The following ZNF277 variants were observed in gnomAD, a reference collection of about 807,000 sequenced individuals.
ZNF277 encodes the protein zinc finger protein 277.
In ZNF277, 55 loss-of-function variants were observed where a neutral mutation model predicts 60.7. That is an observed-to-expected ratio of 0.91 (90% CI 0.73 to 1.13). ZNF277 has a LOEUF of 1.13. ZNF277 is among the 50% of genes most tolerant of loss of function. The pLI is 0.00. For missense variants in ZNF277, 510 were observed against 523.0 expected (o/e 0.98, Z 0.24); for synonymous variants, 178 against 179.3 (o/e 0.99, Z 0.06).
At chr7:112,267,778 A>G (rs1351077679) in intron 1 of ZNF277, among the ~76,000 whole-genome samples, 2 of 151,970 alleles carry the variant, frequency 1.3e-5, no homozygotes, top group African/African-American at 2.4e-5. Context: ...TTTCCCTAGT[A>G]TTGATATTTC....
chr7:112,234,867 C>T (rs2116983573), intron 1 of ZNF277, among the ~76,000 whole-genome samples: 1 of 151,724 alleles, frequency 6.6e-6, no homozygotes, highest in African/African-American at 2.4e-5. Flanking sequence ...TATATAAGAG[C>T]CATTTGTATT....
At chr7:112,219,128 A>G (rs917075387) in intron 1 of ZNF277, among the ~76,000 whole-genome samples, 1 of 152,162 alleles carries the variant, frequency 6.6e-6, no homozygotes, top group Non-Finnish European at 1.5e-5. Flanking sequence ...TCCAATGCTT[A>G]TCTCTTGTCT....
chr7:112,208,715 T>C (rs1375915754), intron 1 of ZNF277, among the ~76,000 whole-genome samples: 2 of 140,164 alleles, frequency 1.4e-5, no homozygotes, highest in African/African-American at 5.4e-5. Flanking sequence ...GAGTCTCGCT[T>C]TGTCAACCAG....
At chr7:112,319,660 T>TATATATAATATATATAA (rs1792930310) in intron 5 of ZNF277, among the ~76,000 whole-genome samples, 1 of 147,334 alleles carries the variant, frequency 6.8e-6, no homozygotes, top group Non-Finnish European at 1.5e-5. Context: ...AATTATATAA[T>TATATATAATATATATAA]ATATATAATA....
At position 112,241,761 on chromosome 7, in the gene ZNF277, A is replaced by T. The variant is rs79547130; in HGVS notation, c.91+34954A>T. Among the ~76,000 whole-genome samples the T allele has an allele frequency of 2.3e-3, 353 of 152,252 alleles. 2 individuals are homozygous for T. The highest frequency in any genetic ancestry group is 7.7e-3 in the African/African-American group (321 of 41,558). ...TGAAATAAGCTAGCACAGAAAGACA[A>T]ACCACATGTTCTCACTCATTTGTGG... is the stretch of plus-strand genomic sequence containing the variant. On this transcript the variant is annotated intron_variant, in intron 1 of 11. Coordinates refer to ENST00000361822, the MANE Select transcript of ZNF277 (RefSeq NM_021994.3).
chr7:112,312,672 A>G (rs2117103024), intron 4 of ZNF277, among the ~76,000 whole-genome samples: 1 of 152,234 alleles, frequency 6.6e-6, no homozygotes, highest in African/African-American at 2.4e-5. Flanking sequence ...TGAGTATAGG[A>G]ATGTTAATTG....
intron 1 of ZNF277, among the ~76,000 whole-genome samples, chr7:112,282,969 G>C (rs1411770186): frequency 6.6e-6 from 1 of 152,162 alleles, no homozygotes; most frequent in East Asian, 1.9e-4. Context: ...AGTTAACAAT[G>C]CCTGGCACAA....
Position 112,296,551 on chromosome 7 carries a change from C to G in ZNF277, c.465+240C>G, listed in dbSNP as rs562852447. On this transcript the variant is annotated intron_variant, in intron 4 of 11. Transcript: ENST00000361822. ...GGCTTTGTTTTGCTTCCTGGATTAT[C>G]TCTAAAATAACAACAGAACTTACAC... Among the ~76,000 whole-genome samples the G allele has an allele frequency of 6.6e-5, 10 of 151,970 alleles. No homozygotes were observed. In the East Asian group the frequency reaches 1.7e-3, roughly 26 times the overall value.
At chr7:112,238,550 G>A (rs1790862880) in intron 1 of ZNF277, among the ~76,000 whole-genome samples, 1 of 152,144 alleles carries the variant, frequency 6.6e-6, no homozygotes, top group Non-Finnish European at 1.5e-5. Flanking sequence ...TGAGGTACAT[G>A]TGACCCACTG....
intron 5 of ZNF277, among the ~76,000 whole-genome samples, chr7:112,320,168 A>G (rs1406923951): frequency 2.0e-5 from 3 of 152,136 alleles, no homozygotes; most frequent in African/African-American, 7.2e-5. Flanking sequence ...GTATTTGAAC[A>G]TATTAAATAT....
chr7:112,230,594 A>G (rs1822297912), intron 1 of ZNF277, among the ~76,000 whole-genome samples: 1 of 152,208 alleles, frequency 6.6e-6, no homozygotes, highest in Non-Finnish European at 1.5e-5. Context: ...GTCACAGATC[A>G]AGTAATTAAA....
chr7:112,253,776 G>A (rs1791246216), intron 1 of ZNF277, among the ~76,000 whole-genome samples: 1 of 152,136 alleles, frequency 6.6e-6, no homozygotes, highest in Admixed American at 6.5e-5. Context: ...TCTAAAGATG[G>A]AGAGATCTAT....
chr7:112,314,117 A>G (rs1792789859), intron 4 of ZNF277, among the ~76,000 whole-genome samples: 1 of 152,118 alleles, frequency 6.6e-6, no homozygotes, highest in Non-Finnish European at 1.5e-5. Flanking sequence ...AGTCTGGGAA[A>G]GTCACTTTAA....
rs113604866 is a variant in ZNF277 at position 112,217,556 on chromosome 7, C to G, written c.91+10749C>G. Among the ~76,000 whole-genome samples the G allele has an allele frequency of 7.8e-4, 119 of 152,312 alleles. 2 individuals are homozygous for G. The highest frequency in any genetic ancestry group is 2.8e-3 in the African/African-American group (116 of 41,562). ...ACCGACTCCATCTTGCTTCTAACCT[C>G]CAAGCTGCCGGTGTTCATTCCTGGA... On this transcript the variant is annotated intron_variant, in intron 1 of 11. Coordinates refer to ENST00000361822, the MANE Select transcript of ZNF277 (RefSeq NM_021994.3).
chr7:112,343,087 T>G lies in ZNF277; in HGVS notation c.*358T>G, dbSNP rs1331061135. On this transcript the variant is annotated 3_prime_UTR_variant, in exon 12 of 12. Coordinates refer to ENST00000361822, the MANE Select transcript of ZNF277 (RefSeq NM_021994.3). ...TCAAATTATTTATAAACCTGATTTT[T>G]CAATCAGTAGTTTCAGTCTCCTCCC... 6 of 157,296 alleles carry G rather than the reference T, an allele frequency of 3.8e-5. No homozygotes were observed. Among genetic ancestry groups the G allele is most frequent in the Non-Finnish European group, 7.0e-5 (5 of 71,422 alleles). 9.7% of individuals were successfully genotyped at this position (157,296 alleles called of 1,614,324 possible).
In ZNF277 at chr7:112,340,952, G is replaced by A. The variant is rs11539696; in HGVS notation, c.1090G>A (p.Val364Met). The stretch of plus-strand genomic sequence containing the variant: ...CCAATGCAGATGTTATGGCTGCCAT[G>A]TGAAGTTCAAATCCAAAGCAGACTT... The part of the protein sequence containing the change: ...VHQCRCYGCH[V>M]KFKSKADLRT... Residue 364 changes from valine to methionine, a missense_variant, in exon 11 of 12, where the codon GTG (valine) becomes ATG (methionine). Val to Met is a conservative substitution (Grantham distance 21). Coordinates refer to ENST00000361822, the MANE Select transcript of ZNF277 (RefSeq NM_021994.3). The A allele has an allele frequency of 0.058, 93,221 of 1,612,724 alleles. 2,958 individuals carry two copies. The highest frequency in any genetic ancestry group is 0.13 in the Middle Eastern group (802 of 6,060).
chr7:112,211,162 G>A (rs1377742030), intron 1 of ZNF277, among the ~76,000 whole-genome samples: 1 of 152,198 alleles, frequency 6.6e-6, no homozygotes, highest in Non-Finnish European at 1.5e-5. Context: ...CATGTGTGAT[G>A]TCTCTGGAAG....
intron 4 of ZNF277, among the ~76,000 whole-genome samples, chr7:112,299,935 T>C (rs1454328374): frequency 2.0e-5 from 3 of 152,216 alleles, no homozygotes; most frequent in Admixed American, 6.5e-5. Flanking sequence ...GTAAAGCATA[T>C]AGTTTAAGTA....
At chr7:112,305,589 T>C (rs1379050996) in intron 4 of ZNF277, among the ~76,000 whole-genome samples, 6 of 151,730 alleles carry the variant, frequency 4.0e-5, no homozygotes, top group Non-Finnish European at 8.8e-5. Flanking sequence ...TACTAAACTT[T>C]TAATGAGCCT....
Sources: allele counts gnomAD v4.1 joint callset (sites outside exome capture counted in the v4.1 genomes callset), GRCh38; gene constraint gnomAD v4.1.1; transcripts MANE v1.5; gene names NCBI Gene and HGNC (gene_info 2026-07-23, HGNC 2026-07-21).